The following TMEM191C variants were observed in gnomAD, a reference collection of about 807,000 sequenced individuals.
The protein encoded by TMEM191C is KB-1323B2.6.
A neutral mutation model predicts 37.1 loss-of-function variants in TMEM191C; 26 were observed. That is an observed-to-expected ratio of 0.70 (90% CI 0.51 to 0.97). The LOEUF (loss-of-function observed/expected upper bound fraction) is 0.97. Ranked by LOEUF, TMEM191C falls within the 50% of genes least tolerant of loss-of-function variation. TMEM191C has a pLI of 0.00. For synonymous variants in TMEM191C, 115 were observed against 143.7 expected, an observed-to-expected ratio of 0.80 and a Z score of 1.43; for missense variants, 240 against 294.7, an observed-to-expected ratio of 0.81 and a Z score of 1.36.
rs1386201363 is a variant in TMEM191C, at chr22:21,467,524, A to T, written c.65A>T (p.Lys22Met). The T allele has an allele frequency of 1.1e-5, 11 of 1,035,150 alleles. No homozygotes were observed. Among genetic ancestry groups the T allele is most frequent in the Middle Eastern group, 3.1e-4 (1 of 3,264 alleles). The allele number at this position is 1,035,150 out of a possible 1,614,324, so 64.1% of individuals were successfully genotyped here. The change falls in exon 1 of 10, where the codon AAG becomes ATG. Residue 22 changes from lysine (K) to methionine (M), a missense_variant. Lys to Met is a moderately conservative substitution (Grantham distance 95, BLOSUM62 -1). This residue lies in a region of TMEM191C where 130 missense variants were observed against 105.7 expected (regional missense o/e 1.23). Transcript: ENST00000536718. Reference protein sequence around the residue: ...QKDNRDGRQRKQELEKLMRGL... With the variant: ...QKDNRDGRQRMQELEKLMRGL... ...GATAACCGAGATGGTCGCCAGCGGA[A>T]GCAGGAGCTAGAGAAGCTGATGCGC... is the stretch of plus-strand genomic sequence containing the variant.
Position 21,467,507 on chromosome 22 carries a change from A to T in TMEM191C, c.48A>T (p.Arg16=). 1 of 606,628 alleles carries T rather than the reference A, an allele frequency of 1.6e-6. No homozygotes were observed. Among genetic ancestry groups the T allele is most frequent in the Non-Finnish European group, 2.7e-6 (1 of 364,386 alleles). 37.6% of individuals were successfully genotyped at this position (606,628 alleles called of 1,614,324 possible). A position where few individuals can be genotyped will look rare whatever the true frequency, so the allele number is the denominator to read the frequency against. The change falls in exon 1 of 10, where the codon CGA becomes CGT. Residue 16 remains arginine (R), a synonymous_variant. Coordinates refer to ENST00000536718, the MANE Select transcript of TMEM191C (RefSeq NM_001388354.1). ...ELLLQLQKDN[R]DGRQRKQELE... ...TGCTGCAGTTGCAGAAGGATAACCG[A>T]GATGGTCGCCAGCGGAAGCAGGAGC...
intron 9 of TMEM191C, 33 bp from the exon 10 acceptor site, chr22:21,469,584 T>C (rs1403272367): frequency 8.8e-6 from 13 of 1,473,586 alleles, no homozygotes; most frequent in East Asian, 3.0e-5. Flanking sequence ...CCCGCCCGAG[T>C]TGCCGCCCAC....
intron 3 of TMEM191C, 28 bp downstream of exon 3, chr22:21,468,230 C>T (rs1244591164): frequency 6.5e-7 from 1 of 1,531,518 alleles, no homozygotes; most frequent in Admixed American, 2.0e-5. Flanking sequence ...GAGGGCCTGT[C>T]TCTTGGTTCC....
In TMEM191C at chr22:21,467,944, G is replaced by T; in HGVS notation, c.206G>T (p.Arg69Leu). 2 of 584,680 alleles carry T rather than the reference G, an allele frequency of 3.4e-6. No homozygotes were observed. Among genetic ancestry groups the T allele is most frequent in the Non-Finnish European group, 5.7e-6 (2 of 349,842 alleles). 36.2% of individuals were successfully genotyped at this position (584,680 alleles called of 1,614,324 possible). A position where few individuals can be genotyped will look rare whatever the true frequency, so the allele number is the denominator to read the frequency against. Residue 69 changes from arginine to leucine, a missense_variant, in exon 2 of 10, where the codon CGC (arginine) becomes CTC (leucine). Transcript: ENST00000536718. ...QAAQPLQGEA[R>L]EAARERAERV... ...GCGCAGCCTCTGCAAGGGGAGGCGC[G>T]CGAGGCGGCGCGGGAGCGCGCGGAG...
At position 21,467,430 on chromosome 22, in the gene TMEM191C, G is replaced by A; in HGVS notation, c.-30G>A. On this transcript the variant is annotated 5_prime_UTR_variant, in exon 1 of 10. Transcript: ENST00000536718. Reference sequence around the variant, plus strand: ...CAGCCGCAGGCTGGGTCCCCGAGGCGGGCGGCATTTAGGCTCGGTCTCCAC... The same window carrying A: ...CAGCCGCAGGCTGGGTCCCCGAGGCAGGCGGCATTTAGGCTCGGTCTCCAC... The A allele has an allele frequency of 2.2e-6, 1 of 448,878 alleles. No individual in the cohort carries two copies. The highest frequency in any genetic ancestry group is 3.8e-6 in the Non-Finnish European group (1 of 266,518). The allele number at this position is 448,878 out of a possible 1,614,324, so 27.8% of individuals were successfully genotyped here.
At position 21,469,663 on chromosome 22, in the gene TMEM191C, C is replaced by T. The variant is rs1465841442; in HGVS notation, c.751C>T (p.Leu251Phe). Residue 251 changes from leucine (L) to phenylalanine (F), a missense_variant, in exon 10 of 10, where the codon CTC becomes TTC. Around this residue, in one of 3 missense-constraint regions of TMEM191C, gnomAD observed 76 missense variants for 100.0 expected, o/e 0.76. Coordinates refer to ENST00000536718, the MANE Select transcript of TMEM191C (RefSeq NM_001388354.1). ...GCAGGTGCTGCTGACGCTGCCGCTCCTCTTCCTGGGGCTGTCGCTGCTCTG... is the reference window on the plus strand; with the variant it reads ...GCAGGTGCTGCTGACGCTGCCGCTCTTCTTCCTGGGGCTGTCGCTGCTCTG... ...ALQVLLTLPL[L>F]FLGLSLLWTV... The T allele has an allele frequency of 1.0e-5, 15 of 1,488,556 alleles. 1 individual carries two copies. In the Middle Eastern group the frequency reaches 1.7e-3, roughly 165 times the overall value. The allele number at this position is 1,488,556 out of a possible 1,614,324, so 92.2% of individuals were successfully genotyped here.
rs1479394759 is a variant in TMEM191C, at chr22:21,469,889, C to G, written c.*68C>G. The G allele has an allele frequency of 2.1e-6, 3 of 1,459,716 alleles. No homozygotes were observed. In the African/African-American group the frequency reaches 4.5e-5, roughly 22 times the overall value. The allele number at this position is 1,459,716 out of a possible 1,614,324, so 90.4% of individuals were successfully genotyped here. On this transcript the variant is annotated 3_prime_UTR_variant, in exon 10 of 10. Coordinates refer to ENST00000536718, the MANE Select transcript of TMEM191C (RefSeq NM_001388354.1). ...CTGGCTTTATTTCTGGTGCACTCCT[C>G]TCCTGAGAGTGTAGACCAAGGTTGC...
rs1924662293 is a variant in TMEM191C, at chr22:21,469,500, C to G, written c.670C>G (p.Arg224Gly). 20 of 1,353,188 alleles carry G rather than the reference C, an allele frequency of 1.5e-5. No homozygotes were observed. The highest frequency in any genetic ancestry group is 1.8e-5 in the Non-Finnish European group (19 of 1,059,650). The allele number at this position is 1,353,188 out of a possible 1,614,324, so 83.8% of individuals were successfully genotyped here. ...CGGCCCTCTCTCCCCGCAGGAGACG[C>G]GGCTGTTCGGCGGCCCTCGCGCGCT... Reference protein sequence around the residue: ...EEMARADRETRLFGGPRALAI... With the variant: ...EEMARADRETGLFGGPRALAI... Residue 224 changes from arginine (R) to glycine (G), a missense_variant, in exon 9 of 10, where the codon CGG (arginine) becomes GGG (glycine). Arg to Gly is a moderately radical substitution (Grantham distance 125, BLOSUM62 -2). Transcript: ENST00000536718.
rs1263356542 is a variant in TMEM191C at position 21,467,583 on chromosome 22, C to A, written c.124C>A (p.Arg42Ser). Residue 42 changes from arginine (R) to serine (S), a missense_variant, in exon 1 of 10, where the codon CGC becomes AGC. Transcript: ENST00000536718. Reference protein sequence around the residue: ...LEAESESLNQRLQDLSERERS... With the variant: ...LEAESESLNQSLQDLSERERS... ...GGCCGAGAGCGAGAGCCTCAACCAG[C>A]GCCTGCAGGACCTGAGCGAGCGGGA... is the stretch of plus-strand genomic sequence containing the variant. 4 of 1,529,916 alleles carry A rather than the reference C, an allele frequency of 2.6e-6. No homozygotes were observed. The highest frequency in any genetic ancestry group is 1.4e-5 in the African/African-American group (1 of 72,374). 94.8% of individuals were successfully genotyped at this position (1,529,916 alleles called of 1,614,324 possible). A position where few individuals can be genotyped will look rare whatever the true frequency, so the allele number is the denominator to read the frequency against.
chr22:21,467,912 C>T lies in TMEM191C; in HGVS notation c.174C>T (p.Ser58=). The change falls in exon 2 of 10, where the codon AGC becomes AGT. Residue 58 remains serine, a synonymous_variant. Transcript: ENST00000536718. The part of the protein sequence containing the change: ...ERERSLLRRR[S]QAAQPLQGEA... ...TCTGCAGCCTGCTGCGGAGGCGAAG[C>T]CAGGCAGCGCAGCCTCTGCAAGGGG... The T allele has an allele frequency of 1.6e-6, 1 of 624,832 alleles. No homozygotes were observed. The highest frequency in any genetic ancestry group is 2.6e-6 in the Non-Finnish European group (1 of 383,668). The allele number at this position is 624,832 out of a possible 1,614,324, so 38.7% of individuals were successfully genotyped here.
At chr22:21,468,282 C>T (rs1036650783) in intron 3 of TMEM191C, 72 bp from the exon 4 acceptor site, 6 of 1,534,658 alleles carry the variant, frequency 3.9e-6, no homozygotes, top group Non-Finnish European at 5.2e-6. Context: ...GTTGCCTCCC[C>T]GTCCCTGTCT....
Position 21,467,393 on chromosome 22 carries a change from T to G in TMEM191C, c.-67T>G, listed in dbSNP as rs762925554. On this transcript the variant is annotated 5_prime_UTR_variant, in exon 1 of 10. It adds an upstream start codon to the 5' untranslated region. Coordinates refer to ENST00000536718, the MANE Select transcript of TMEM191C (RefSeq NM_001388354.1). ...CCGCTAGGCGCTCCCTGCCGCCCAT[T>G]GTGACGCCTGCCAGCCGCAGGCTGG... 1 of 460,546 alleles carries G rather than the reference T, an allele frequency of 2.2e-6. No homozygotes were observed. Among genetic ancestry groups the G allele is most frequent in the East Asian group, 3.2e-5 (1 of 31,706 alleles). 28.5% of individuals were successfully genotyped at this position (460,546 alleles called of 1,614,324 possible). A position where few individuals can be genotyped will look rare whatever the true frequency, so the allele number is the denominator to read the frequency against.
At position 21,467,631 on chromosome 22, in the gene TMEM191C, C is replaced by A. The variant is rs1190896305; in HGVS notation, c.155+17C>A. On this transcript the variant is annotated intron_variant, in intron 1 of 9. Coordinates refer to ENST00000536718, the MANE Select transcript of TMEM191C (RefSeq NM_001388354.1). The stretch of plus-strand genomic sequence containing the variant: ...GGAGCGGAGGTGCGCGGGGAACGCC[C>A]CTCTACCTGGCGGGCGCGCGAGGGT... 4 of 1,523,946 alleles carry A rather than the reference C, an allele frequency of 2.6e-6. No individual in the cohort carries two copies. Among genetic ancestry groups the A allele is most frequent in the Non-Finnish European group, 3.5e-6 (4 of 1,143,054 alleles). 94.4% of individuals were successfully genotyped at this position (1,523,946 alleles called of 1,614,324 possible).
In TMEM191C at chr22:21,469,726, C is replaced by T. The variant is rs1924675584; in HGVS notation, c.814C>T (p.Leu272Phe). ...GGACCCCGGCGCCGTCTCCGCGTGGCTCTGGAGCCTCACCTCGGAGACGAC... is the reference window on the plus strand; with the variant it reads ...GGACCCCGGCGCCGTCTCCGCGTGGTTCTGGAGCCTCACCTCGGAGACGAC... ...LLDPGAVSAW[L>F]WSLTSETTLR... Residue 272 changes from leucine to phenylalanine, a missense_variant, in exon 10 of 10, where the codon CTC becomes TTC. Transcript: ENST00000536718. The T allele has an allele frequency of 5.2e-6, 8 of 1,528,718 alleles. No homozygotes were observed. Among genetic ancestry groups the T allele is most frequent in the Middle Eastern group, 4.6e-4 (2 of 4,346 alleles). The allele number at this position is 1,528,718 out of a possible 1,614,324, so 94.7% of individuals were successfully genotyped here. A position where few individuals can be genotyped will look rare whatever the true frequency, so the allele number is the denominator to read the frequency against.
In TMEM191C at chr22:21,467,698, A is replaced by G. The variant is rs1174222773; in HGVS notation, c.155+84A>G. ...GCCGCGAGGTGCTTCGCAGAGTACC[A>G]GGCTGATCCGCCCAGGCCCGCATCT... On this transcript the variant is annotated intron_variant, in intron 1 of 9. Transcript: ENST00000536718. 5 of 581,396 alleles carry G rather than the reference A, an allele frequency of 8.6e-6. No homozygotes were observed. The East Asian group carries it at 1.4e-4, about 16-fold the overall frequency. The allele number at this position is 581,396 out of a possible 1,614,324, so 36.0% of individuals were successfully genotyped here.
rs1226352919 is a variant in TMEM191C at position 21,468,336 on chromosome 22, T to C, written c.331-18T>C. 3.9e-6 allele frequency: 6 copies of C among 1,535,300 alleles called. No homozygotes were observed. The highest frequency in any genetic ancestry group is 5.2e-6 in the Non-Finnish European group (6 of 1,146,686). On this transcript the variant is annotated intron_variant, in intron 3 of 9. Transcript: ENST00000536718. The stretch of plus-strand genomic sequence containing the variant: ...CCAGAAGCCCGGTAAACCCCGCCCT[T>C]ACAAGCCCCGCCCCTAGCTCTTCTA...
chr22:21,469,883 ACTC>A lies in TMEM191C; in HGVS notation c.*66_*68del, dbSNP rs1452835506. 2 of 1,477,214 alleles carry A rather than the reference ACTC, an allele frequency of 1.4e-6. No individual in the cohort carries two copies. Among genetic ancestry groups the A allele is most frequent in the African/African-American group, 3.0e-5 (2 of 66,790 alleles). The allele number at this position is 1,477,214 out of a possible 1,614,324, so 91.5% of individuals were successfully genotyped here. A position where few individuals can be genotyped will look rare whatever the true frequency, so the allele number is the denominator to read the frequency against. On this transcript the variant is annotated 3_prime_UTR_variant, in exon 10 of 10. Transcript: ENST00000536718. The stretch of plus-strand genomic sequence containing the variant: ...GGGCACCTGGCTTTATTTCTGGTGC[ACTC>A]CTCTCCTGAGAGTGTAGACCAAGGT...
In TMEM191C at chr22:21,467,477, G is replaced by C. The variant is rs1463228505; in HGVS notation, c.18G>C (p.Glu6Asp). Residue 6 changes from glutamate to aspartate, a missense_variant, in exon 1 of 10, where the codon GAG (glutamate) becomes GAC (aspartate). Around this residue, in one of 3 missense-constraint regions of TMEM191C, gnomAD observed 130 missense variants for 105.7 expected, o/e 1.23. Coordinates refer to ENST00000536718, the MANE Select transcript of TMEM191C (RefSeq NM_001388354.1). MAATQ[E>D]LLLQLQKDNR... is the part of the protein sequence containing the mutation. ...CCACAGCCATGGCCGCGACGCAGGA[G>C]CTGCTGCTGCAGTTGCAGAAGGATA... 1 of 462,338 alleles carries C rather than the reference G, an allele frequency of 2.2e-6. No homozygotes were observed. Among genetic ancestry groups the C allele is most frequent in the South Asian group, 2.0e-5 (1 of 49,734 alleles). 28.6% of individuals were successfully genotyped at this position (462,338 alleles called of 1,614,324 possible).
intron 4 of TMEM191C, 47 bp downstream of exon 4, chr22:21,468,478 C>T (rs1343663790): frequency 8.0e-7 from 1 of 1,255,446 alleles, no homozygotes; most frequent in Middle Eastern, 2.7e-4. Context: ...GGAGCAGCAG[C>T]ATGAGCTGGG....
Sources: allele counts gnomAD v4.1 joint callset, GRCh38; gene constraint gnomAD v4.1.1; regional missense constraint gnomAD v4.1.1; transcripts MANE v1.5; gene names NCBI Gene and HGNC (gene_info 2026-07-23, HGNC 2026-07-21).